The following HMCN1 variants were observed in gnomAD, a reference collection of about 807,000 sequenced individuals.
HMCN1 encodes hemicentin-1.
In HMCN1, 321 loss-of-function variants were observed where a neutral mutation model predicts 625.9. That is an observed-to-expected ratio of 0.51 (90% CI 0.47 to 0.56). HMCN1 has a LOEUF of 0.56. Ranked by LOEUF, HMCN1 falls within the 20% of genes least tolerant of loss-of-function variation. The pLI, the probability that HMCN1 is intolerant of heterozygous loss-of-function variation, is 0.00. For missense variants in HMCN1, 6,588 were observed against 6,887.3 expected (o/e 0.96, Z 1.54); for synonymous variants, 2,425 against 2,417.6 (o/e 1.00, Z -0.09).
intron 1 of HMCN1, among the ~76,000 whole-genome samples, chr1:185,803,387 AGTC>A (rs1466925873): frequency 6.6e-6 from 1 of 152,000 alleles, no homozygotes; most frequent in Non-Finnish European, 1.5e-5. Context: ...TAGTAACTTA[AGTC>A]TATAGAAGCA....
In HMCN1 at chr1:186,015,386, G is replaced by A. The variant is rs188089192; in HGVS notation, c.4858G>A (p.Val1620Ile). 3.0e-5 allele frequency: 49 copies of A among 1,613,548 alleles called. No homozygotes were observed. In the East Asian group the frequency reaches 6.9e-4, roughly 23 times the overall value. ...VSDSATYTCH[V>I]ANVAGTAEKS... Reference sequence around the variant, plus strand: ...TGATTCAGCAACATATACGTGTCATGTAGCCAATGTTGCTGGAACTGCTGA... The same window carrying A: ...TGATTCAGCAACATATACGTGTCATATAGCCAATGTTGCTGGAACTGCTGA... Residue 1620 changes from valine (V) to isoleucine (I), a missense_variant, in exon 31 of 107, where the codon GTA becomes ATA. Around this residue, in one of 3 missense-constraint regions of HMCN1, gnomAD observed 4,628 missense variants for 4,853.1 expected, o/e 0.95. Coordinates refer to ENST00000271588, the MANE Select transcript of HMCN1 (RefSeq NM_031935.3).
chr1:186,031,979 T>A (rs1477773700), intron 36 of HMCN1, among the ~76,000 whole-genome samples: 1 of 151,912 alleles, frequency 6.6e-6, no homozygotes, highest in East Asian at 1.9e-4. Flanking sequence ...GGACCCCACA[T>A]GGATACCAAG....
At position 185,744,241 on chromosome 1, in the gene HMCN1, A is replaced by G. The variant is rs187991857; in HGVS notation, c.268+9194A>G. ...AATCTCCTGACCTTGTGATCCACCC[A>G]CGTTGGCCTCCCAAAGTGCGGGATT... On this transcript the variant is annotated intron_variant, in intron 1 of 106. Transcript: ENST00000271588. Among the ~76,000 whole-genome samples, 1,350 of 151,924 alleles carry G rather than the reference A, an allele frequency of 8.9e-3. 20 individuals carry two copies. The highest frequency in any genetic ancestry group is 0.029 in the African/African-American group (1,217 of 41,442).
rs1368674941 is a variant in HMCN1, at chr1:186,061,933, A to G, written c.7395A>G (p.Glu2465=). 6.2e-7 allele frequency: 1 copy of G among 1,612,326 alleles called. No homozygotes were observed. Among genetic ancestry groups the G allele is most frequent in the Non-Finnish European group, 8.5e-7 (1 of 1,178,648 alleles). Reference sequence around the variant, plus strand: ...GCGTTGTAAGGAATGCAGCTGGTGAAGAAAGAAAAATCTTTGGGCTTTCAG... The same window carrying G: ...GCGTTGTAAGGAATGCAGCTGGTGAGGAAAGAAAAATCTTTGGGCTTTCAG... ...YTCVVRNAAG[E]ERKIFGLSVL... The change falls in exon 47 of 107, where the codon GAA becomes GAG. Residue 2465 remains glutamate, a synonymous_variant. Coordinates refer to ENST00000271588, the MANE Select transcript of HMCN1 (RefSeq NM_031935.3).
At chr1:185,913,600 T>TA (rs1314778954) in intron 6 of HMCN1, among the ~76,000 whole-genome samples, 1 of 152,154 alleles carries the variant, frequency 6.6e-6, no homozygotes, top group Non-Finnish European at 1.5e-5. Context: ...GACTGTGAAA[T>TA]ACGTGCACGT....
chr1:185,989,195 G>A (rs1054467160), intron 20 of HMCN1, among the ~76,000 whole-genome samples: 1 of 151,696 alleles, frequency 6.6e-6, no homozygotes, highest in African/African-American at 2.4e-5. Context: ...TTTTAGTAGG[G>A]ACGGGGTTTC....
At chr1:186,104,245 T>G (rs1357900248) in intron 69 of HMCN1, among the ~76,000 whole-genome samples, 3 of 152,180 alleles carry the variant, frequency 2.0e-5, no homozygotes, top group African/African-American at 7.2e-5. Context: ...ATTCTCCATC[T>G]GAGCCCTAAT....
At chr1:185,773,045 A>T (rs1400593945) in intron 1 of HMCN1, among the ~76,000 whole-genome samples, 1 of 152,138 alleles carries the variant, frequency 6.6e-6, no homozygotes, top group Non-Finnish European at 1.5e-5. Context: ...CCAGCACATG[A>T]ATTTTGGGGG....
chr1:185,999,580 A>G (rs1254004708), intron 25 of HMCN1, among the ~76,000 whole-genome samples: 1 of 152,134 alleles, frequency 6.6e-6, no homozygotes, highest in East Asian at 1.9e-4. Context: ...CCTTTTTAAA[A>G]AAGGGAATTA....
At chr1:186,146,862 C>G (rs555119195) in intron 93 of HMCN1, among the ~76,000 whole-genome samples, 59 of 152,278 alleles carry the variant, frequency 3.9e-4, no homozygotes, top group Non-Finnish European at 6.9e-4. Context: ...GTTGCAGAAT[C>G]TGGCAGAGGA....
At chr1:185,985,145 T>A (rs1651921327) in intron 19 of HMCN1, among the ~76,000 whole-genome samples, 1 of 152,246 alleles carries the variant, frequency 6.6e-6, no homozygotes, top group Admixed American at 6.5e-5. Flanking sequence ...TTTTGTTATG[T>A]CTGCTTCTCT....
At chr1:186,163,090 C>T (rs1409041872) in intron 97 of HMCN1, among the ~76,000 whole-genome samples, 1 of 152,204 alleles carries the variant, frequency 6.6e-6, no homozygotes, top group Non-Finnish European at 1.5e-5. Context: ...GCTTTGTTTA[C>T]CTAAGCAAGC....
At position 186,117,107 on chromosome 1, in the gene HMCN1, C is replaced by T. The variant is rs762774448; in HGVS notation, c.11675C>T (p.Thr3892Ile). 4 of 1,613,298 alleles carry T rather than the reference C, an allele frequency of 2.5e-6. No homozygotes were observed. Among genetic ancestry groups the T allele is most frequent in the East Asian group, 2.2e-5 (1 of 44,852 alleles). Residue 3892 changes from threonine to isoleucine, a missense_variant, in exon 76 of 107, where the codon ACT (threonine) becomes ATT (isoleucine). Around this residue, in one of 3 missense-constraint regions of HMCN1, gnomAD observed 4,628 missense variants for 4,853.1 expected, o/e 0.95. Transcript: ENST00000271588. ...AGDDKRTVDL[T>I]VQVPPSIADE... ...GATGATAAAAGAACTGTGGATCTCA[C>T]TGTCCAAGGTAGAATTGGCTTGGAA...
At chr1:185,827,186 A>G (rs1660576622) in intron 1 of HMCN1, among the ~76,000 whole-genome samples, 1 of 151,096 alleles carries the variant, frequency 6.6e-6, no homozygotes, top group Non-Finnish European at 1.5e-5. Flanking sequence ...AAAAAAAAAA[A>G]AAGAAAAAAA....
intron 67 of HMCN1, among the ~76,000 whole-genome samples, chr1:186,094,668 T>C (rs1217365259): frequency 6.6e-6 from 1 of 152,128 alleles, no homozygotes; most frequent in Non-Finnish European, 1.5e-5. Flanking sequence ...AAAGAAAAAG[T>C]CAAAACTTTT....
At chr1:186,057,533 A>G in intron 46 of HMCN1, 132 bp downstream of exon 46, 1 of 660,536 alleles carries the variant, frequency 1.5e-6, no homozygotes, top group East Asian at 2.7e-5. Context: ...TTCACTAATC[A>G]TATTAAGAAA....
intron 78 of HMCN1, 106 bp downstream of exon 78, chr1:186,119,404 GTAATAT>G: frequency 1.1e-6 from 1 of 882,934 alleles, no homozygotes; most frequent in South Asian, 1.3e-5. Flanking sequence ...ATGAACCATA[GTAATAT>G]CTTGGGGATA....
At chr1:186,112,347 CA>C (rs1392808357) in intron 71 of HMCN1, among the ~76,000 whole-genome samples, 1 of 152,138 alleles carries the variant, frequency 6.6e-6, no homozygotes, top group East Asian at 1.9e-4. Flanking sequence ...GATGAATTTC[CA>C]GAGGCTCTAA....
Position 186,069,682 on chromosome 1 carries a change from C to T in HMCN1, c.7899C>T (p.Ile2633=). Residue 2633 remains isoleucine, a synonymous_variant, in exon 51 of 107, where the codon ATC becomes ATT. Transcript: ENST00000271588. ...TTACAGGAGGCAGAACTCTGCAGATCCTCAATGCACAGGAGGACAATGCTG... is the reference window on the plus strand; with the variant it reads ...TTACAGGAGGCAGAACTCTGCAGATTCTCAATGCACAGGAGGACAATGCTG... The part of the protein sequence containing the change: ...RILPGGRTLQ[I]LNAQEDNAGR... The T allele has an allele frequency of 6.2e-7, 1 of 1,612,354 alleles. No homozygotes were observed. Among genetic ancestry groups the T allele is most frequent in the Non-Finnish European group, 8.5e-7 (1 of 1,179,216 alleles).
Sources: allele counts gnomAD v4.1 joint callset (sites outside exome capture counted in the v4.1 genomes callset), GRCh38; gene constraint gnomAD v4.1.1; regional missense constraint gnomAD v4.1.1; transcripts MANE v1.5; gene names NCBI Gene and HGNC (gene_info 2026-07-23, HGNC 2026-07-21).